Variants in LTBP4 observed in about 807,000 individuals in gnomAD.
LTBP4 encodes latent transforming growth factor beta binding protein 4, also known as latent-transforming growth factor beta-binding protein 4.
LTBP4 carries 93 observed loss-of-function variants against 180.2 expected under a neutral mutation model. That is an observed-to-expected ratio of 0.52 (90% CI 0.44 to 0.61). The LOEUF (loss-of-function observed/expected upper bound fraction) is 0.61, where lower values mean the gene tolerates loss of function less well. Ranked by LOEUF, LTBP4 falls within the 20% of genes least tolerant of loss-of-function variation. The pLI is 0.00. For missense variants in LTBP4, 2,116 were observed against 2,256.5 expected (o/e 0.94, Z 1.26); for synonymous variants, 947 against 934.5 (o/e 1.01, Z -0.24).
Position 40,617,173 on chromosome 19 carries a change from G to A in LTBP4, c.3018G>A (p.Gln1006=). 1 of 1,613,894 alleles carries A rather than the reference G, an allele frequency of 6.2e-7. No homozygotes were observed. The change falls in exon 21 of 30, where the codon CAG becomes CAA. Residue 1006 remains glutamine (Q), a synonymous_variant. Coordinates refer to ENST00000396819, the MANE Select transcript of LTBP4 (RefSeq NM_001042545.2). The part of the protein sequence containing the change: ...AVCQNLPGSF[Q]CLCDQGYEGA... ...GCCAGAACCTGCCCGGCTCCTTCCA[G>A]TGCCTCTGTGACCAGGGTTACGAGG...
chr19:40,613,600 G>A lies in LTBP4; in HGVS notation c.2557+71G>A, dbSNP rs2081524559. 8 of 1,540,130 alleles carry A rather than the reference G, an allele frequency of 5.2e-6. No individual in the cohort carries two copies. The African/African-American group carries it at 9.6e-5, about 18-fold the overall frequency. ...GCAGGAAAAGGCGGGACGGGGAGAA[G>A]AGGGCGAAAAGGGGAAAACGAGTTT... On this transcript the variant is annotated intron_variant, in intron 17 of 29. Coordinates refer to ENST00000396819, the MANE Select transcript of LTBP4 (RefSeq NM_001042545.2). This position sits in a 1 kb window ranked among gnomAD's most constrained non-coding sequence, Gnocchi z 5.0.
intron 28 of LTBP4, 100 bp from the exon 29 acceptor site, chr19:40,627,605 T>C: frequency 1.4e-6 from 2 of 1,473,038 alleles, no homozygotes; most frequent in Non-Finnish European, 1.8e-6. Context: ...GGATGGACAG[T>C]TTACAGCGAG....
chr19:40,625,375 G>A (rs1202721242), intron 26 of LTBP4, among the ~76,000 whole-genome samples: 1 of 139,502 alleles, frequency 7.2e-6, no homozygotes, highest in East Asian at 2.2e-4. Flanking sequence ...GAACTCATGG[G>A]CTCAAGCAAC....
chr19:40,620,248 G>GGT (rs1555740456), intron 22 of LTBP4, among the ~76,000 whole-genome samples: 1 of 148,192 alleles, frequency 6.7e-6, no homozygotes, highest in African/African-American at 2.5e-5. Context: ...TTTTTTAAAT[G>GGT]TTTTTTTTTT....
intron 26 of LTBP4, among the ~76,000 whole-genome samples, chr19:40,624,299 C>T (rs1489348047): frequency 6.6e-6 from 1 of 152,270 alleles, no homozygotes; most frequent in Non-Finnish European, 1.5e-5. Flanking sequence ...TTAGGGCAAC[C>T]TTTGCATGTT....
chr19:40,603,594 G>A (rs896354221), intron 1 of LTBP4, among the ~76,000 whole-genome samples: 4 of 152,186 alleles, frequency 2.6e-5, no homozygotes, highest in Admixed American at 1.3e-4. Flanking sequence ...CTTTGAACTC[G>A]AGAGGACTGC....
intron 24 of LTBP4, among the ~76,000 whole-genome samples, chr19:40,623,231 A>C (rs1338511124): frequency 4.7e-5 from 7 of 150,470 alleles, no homozygotes; most frequent in African/African-American, 1.7e-4. Flanking sequence ...CTGGAGAGCA[A>C]TGGCGAGATC....
intron 15 of LTBP4, 117 bp downstream of exon 15, chr19:40,612,309 C>G: frequency 7.3e-7 from 1 of 1,370,778 alleles, no homozygotes. Context: ...CCCTCAGTCC[C>G]CAGAGCCTGT....
chr19:40,600,807 G>A (rs749969350), upstream of LTBP4, among the ~76,000 whole-genome samples: 5 of 151,966 alleles, frequency 3.3e-5, no homozygotes, highest in Non-Finnish European at 5.9e-5. The surrounding 1 kb of genome is among the most constrained non-coding windows in gnomAD (Gnocchi z 4.4). Flanking sequence ...CTGGCCAGAT[G>A]TGGCTACATC....
Position 40,617,006 on chromosome 19 carries a change from G to A in LTBP4, c.2930G>A (p.Gly977Glu). ...ACDPGYQPTP[G>E]GGCQDVDECR... ...GACCCTGGCTATCAGCCCACGCCAGGGGGCGGATGCCAGGGTGGGTGTCCA... is the reference window on the plus strand; with the variant it reads ...GACCCTGGCTATCAGCCCACGCCAGAGGGCGGATGCCAGGGTGGGTGTCCA... The change falls in exon 20 of 30, where the codon GGG becomes GAG. Residue 977 changes from glycine to glutamate, a missense_variant. Around this residue, in one of 5 missense-constraint regions of LTBP4, gnomAD observed 877 missense variants for 873.6 expected, o/e 1.00. Transcript: ENST00000396819. 1 of 1,613,338 alleles carries A rather than the reference G, an allele frequency of 6.2e-7. No individual in the cohort carries two copies. Among genetic ancestry groups the A allele is most frequent in the Non-Finnish European group, 8.5e-7 (1 of 1,179,272 alleles).
At chr19:40,626,094 C>T (rs937543769) in intron 27 of LTBP4, 85 bp downstream of exon 27, 9 of 1,432,636 alleles carry the variant, frequency 6.3e-6, no homozygotes, top group Non-Finnish European at 7.4e-6. Flanking sequence ...TCGCAGAACC[C>T]CCAGACTCTA....
upstream of LTBP4, chr19:40,599,485 A>C (rs755351343): frequency 3.7e-6 from 6 of 1,613,758 alleles, no homozygotes; most frequent in East Asian, 1.1e-4. Flanking sequence ...GCCTGAACCC[A>C]GTGCCTGCAG....
Position 40,607,499 on chromosome 19 carries a change from G to A in LTBP4, c.1126G>A (p.Gly376Ser). The A allele has an allele frequency of 6.2e-7, 1 of 1,612,310 alleles. No individual in the cohort carries two copies. Among genetic ancestry groups the A allele is most frequent in the Non-Finnish European group, 8.5e-7 (1 of 1,179,426 alleles). Reference protein sequence around the residue: ...CSRVGKAWGRGCQLCPPFGSE... With the variant: ...CSRVGKAWGRSCQLCPPFGSE... ...CCGCGTAGGCAAGGCCTGGGGCCGG[G>A]GCTGCCAGCTCTGCCCACCCTTCGG... The change falls in exon 7 of 30, where the codon GGC (glycine) becomes AGC (serine). Residue 376 changes from glycine (G) to serine (S), a missense_variant. This residue lies in a region of LTBP4 where 877 missense variants were observed against 873.6 expected (regional missense o/e 1.00). Coordinates refer to ENST00000396819, the MANE Select transcript of LTBP4 (RefSeq NM_001042545.2).
chr19:40,600,131 A>G, upstream of LTBP4: 1 of 1,257,656 alleles, frequency 8.0e-7, no homozygotes, highest in Admixed American at 4.2e-5. The surrounding 1 kb of genome is among the most constrained non-coding windows in gnomAD (Gnocchi z 4.4). Flanking sequence ...GCCGGGGACT[A>G]CTGAGAAGGA....
chr19:40,617,057 T>C (rs778553999), intron 20 of LTBP4, 37 bp downstream of exon 20: 16 of 1,613,274 alleles, frequency 9.9e-6, no homozygotes, highest in Admixed American at 6.7e-5. Context: ...GATGTGGAGA[T>C]GGTAGAAGGT....
Position 40,611,840 on chromosome 19 carries a change from T to C in LTBP4, c.2054-19T>C, listed in dbSNP as rs1240952285. On this transcript the variant is annotated intron_variant, in intron 13 of 29. Transcript: ENST00000396819. The surrounding 1 kb of genome is among the most constrained non-coding windows in gnomAD (Gnocchi z 4.4). ...GATTCAGGCCCCTTCCTCAGCCTCATTGGTCCCCTCTGCCCCAGATGTGGA... is the reference window on the plus strand; with the variant it reads ...GATTCAGGCCCCTTCCTCAGCCTCACTGGTCCCCTCTGCCCCAGATGTGGA... The C allele has an allele frequency of 1.9e-6, 3 of 1,601,564 alleles. No homozygotes were observed. The highest frequency in any genetic ancestry group is 2.6e-6 in the Non-Finnish European group (3 of 1,173,176).
At chr19:40,607,092 C>T (rs901363505) in intron 6 of LTBP4, among the ~76,000 whole-genome samples, 3 of 152,172 alleles carry the variant, frequency 2.0e-5, no homozygotes, top group African/African-American at 7.2e-5. Context: ...CCCAAATCCT[C>T]TCGTCCCCCT....
In LTBP4 at chr19:40,617,311, G is replaced by A. The variant is rs2146037845; in HGVS notation, c.3070+86G>A. On this transcript the variant is annotated intron_variant, in intron 21 of 29. Transcript: ENST00000396819. ...TCCCTCCCCATATATCTGAACAAAT[G>A]GGAATTTTCGGGTTGTGGAATTTAG... 6 of 1,473,454 alleles carry A rather than the reference G, an allele frequency of 4.1e-6. No individual in the cohort carries two copies. In the South Asian group the frequency reaches 8.0e-5, roughly 20 times the overall value. The allele number at this position is 1,473,454 out of a possible 1,614,324, so 91.3% of individuals were successfully genotyped here.
intron 27 of LTBP4, 92 bp from the exon 28 acceptor site, chr19:40,626,883 C>T: frequency 4.2e-6 from 6 of 1,419,926 alleles, no homozygotes; most frequent in Non-Finnish European, 4.6e-6. Context: ...CCTCCCCATC[C>T]AGTCCTCTGC....
Sources: allele counts gnomAD v4.1 joint callset (sites outside exome capture counted in the v4.1 genomes callset), GRCh38; gene constraint gnomAD v4.1.1; regional missense constraint gnomAD v4.1.1; non-coding constraint Gnocchi (gnomAD v3.1); transcripts MANE v1.5; gene names NCBI Gene and HGNC (gene_info 2026-07-23, HGNC 2026-07-21).